The following GPC6 variants were observed in gnomAD, a reference collection of about 807,000 sequenced individuals.
GPC6 encodes glypican 6.
Under a neutral mutation model 55.2 loss-of-function variants are expected in GPC6, and 14 were observed. The observed-to-expected ratio is 0.25, with a 90% confidence interval of 0.17 to 0.40. The LOEUF (loss-of-function observed/expected upper bound fraction) is 0.40, where lower values mean the gene tolerates loss of function less well. GPC6 is among the 10% of genes least tolerant of loss of function. The pLI is 1.00. For synonymous variants in GPC6, 278 were observed against 259.6 expected (o/e 1.07, Z -0.68); for missense variants, 641 against 708.5 (o/e 0.90, Z 1.08).
rs987668959 is a variant in GPC6, at chr13:94,358,560, A to G, written c.1153-23854A>G. On this transcript the variant is annotated intron_variant, in intron 6 of 8. Coordinates refer to ENST00000377047, the MANE Select transcript of GPC6 (RefSeq NM_005708.5). ...ACAGGGTTGAGCTTGCCCTGGAGAG[A>G]TCACACTGTCTACTCTTTAACCCCA... Among the ~76,000 whole-genome samples the G allele has an allele frequency of 2.0e-5, 3 of 152,280 alleles. No homozygotes were observed. The East Asian group carries it at 5.8e-4, about 29-fold the overall frequency.
intron 4 of GPC6, among the ~76,000 whole-genome samples, chr13:94,111,118 C>T (rs1489970870): frequency 6.6e-6 from 1 of 152,090 alleles, no homozygotes; most frequent in Non-Finnish European, 1.5e-5. Flanking sequence ...AATAGTAATT[C>T]AGAGTCCCTG....
intron 2 of GPC6, among the ~76,000 whole-genome samples, chr13:93,780,630 C>CAA (rs1491196276): frequency 7.1e-6 from 1 of 141,796 alleles, no homozygotes; most frequent in Non-Finnish European, 1.5e-5. Context: ...CACACACACA[C>CAA]AAAATAAAAT....
chr13:94,083,745 T>G (rs1020823740), intron 4 of GPC6, among the ~76,000 whole-genome samples: 1 of 152,310 alleles, frequency 6.6e-6, no homozygotes, highest in East Asian at 1.9e-4. Context: ...TAATAAACAC[T>G]TATGTGACAG....
At chr13:94,066,143 C>T (rs1027793825) in intron 4 of GPC6, among the ~76,000 whole-genome samples, 2 of 152,110 alleles carry the variant, frequency 1.3e-5, no homozygotes, top group African/African-American at 2.4e-5. Context: ...TTTTATGAGA[C>T]ACTACATCAA....
intron 4 of GPC6, among the ~76,000 whole-genome samples, chr13:94,214,062 G>T (rs948334200): frequency 6.6e-6 from 1 of 152,186 alleles, no homozygotes; most frequent in Non-Finnish European, 1.5e-5. Context: ...AATATTGTCA[G>T]TCTCTTAGGA....
intron 2 of GPC6, among the ~76,000 whole-genome samples, chr13:93,559,284 A>G (rs958515086): frequency 2.6e-5 from 4 of 152,182 alleles, no homozygotes; most frequent in African/African-American, 9.7e-5. Flanking sequence ...TCAAAGGCAA[A>G]TGTCTATTGA....
At chr13:93,449,952 C>T (rs186660111) in intron 1 of GPC6, among the ~76,000 whole-genome samples, 199 of 151,312 alleles carry the variant, frequency 1.3e-3, no homozygotes, top group African/African-American at 4.4e-3. Context: ...GACGGTGTCT[C>T]GCTCTATTTT....
chr13:93,886,749 A>ATTTTTTTTTTTTTTTTTTT, intron 3 of GPC6, among the ~76,000 whole-genome samples: 1 of 135,340 alleles, frequency 7.4e-6, no homozygotes, highest in Admixed American at 7.4e-5. Flanking sequence ...AGCATCTGTC[A>ATTTTTTTTTTTTTTTTTTT]TTTTTTTTTT....
intron 2 of GPC6, among the ~76,000 whole-genome samples, chr13:93,698,278 G>T (rs1053194080): frequency 3.3e-5 from 5 of 152,020 alleles, no homozygotes; most frequent in Admixed American, 2.6e-4. Context: ...ATTGTTTGTA[G>T]TCCTTTTCCT....
chr13:93,420,626 T>C (rs1876889450), intron 1 of GPC6, among the ~76,000 whole-genome samples: 1 of 152,156 alleles, frequency 6.6e-6, no homozygotes, highest in Non-Finnish European at 1.5e-5. Flanking sequence ...TGACATCTAA[T>C]GTTCATTTTA....
chr13:93,495,074 T>A (rs1409713006), intron 1 of GPC6, among the ~76,000 whole-genome samples: 1 of 115,128 alleles, frequency 8.7e-6, no homozygotes. Context: ...TTGGCCTGCC[T>A]TGCTAGATTG....
intron 2 of GPC6, among the ~76,000 whole-genome samples, chr13:93,654,409 C>T (rs1400326560): frequency 6.6e-6 from 1 of 151,810 alleles, no homozygotes; most frequent in African/African-American, 2.4e-5. Context: ...CTCACTGCAA[C>T]CTCTGCCTCC....
At chr13:93,241,438 AC>A (rs1876425271) in intron 1 of GPC6, among the ~76,000 whole-genome samples, 1 of 151,922 alleles carries the variant, frequency 6.6e-6, no homozygotes. Flanking sequence ...TCTTGGTAAA[AC>A]TTTTCACTGC....
intron 4 of GPC6, among the ~76,000 whole-genome samples, chr13:94,136,564 G>A (rs1887191908): frequency 6.6e-6 from 1 of 152,108 alleles, no homozygotes; most frequent in Non-Finnish European, 1.5e-5. Context: ...CAAAAAATTA[G>A]TTGGGTATGG....
chr13:93,740,798 T>G (rs1336956885), intron 2 of GPC6, among the ~76,000 whole-genome samples: 2 of 152,152 alleles, frequency 1.3e-5, no homozygotes, highest in African/African-American at 4.8e-5. Flanking sequence ...AATACAAGAC[T>G]CAAACAGTCT....
intron 4 of GPC6, among the ~76,000 whole-genome samples, chr13:94,067,244 G>A (rs1884549749): frequency 6.6e-6 from 1 of 152,118 alleles, no homozygotes; most frequent in Non-Finnish European, 1.5e-5. Context: ...ATTGAAGCTT[G>A]AATAACTTAT....
At chr13:93,559,044 G>A (rs940573656) in intron 2 of GPC6, among the ~76,000 whole-genome samples, 2 of 152,140 alleles carry the variant, frequency 1.3e-5, no homozygotes, top group Admixed American at 1.3e-4. Context: ...TGTGGGGAGT[G>A]GTAGGTTCAA....
intron 2 of GPC6, among the ~76,000 whole-genome samples, chr13:93,718,921 T>A (rs747043280): frequency 2.0e-5 from 3 of 152,102 alleles, no homozygotes; most frequent in Non-Finnish European, 4.4e-5. Flanking sequence ...CTGAGACCTC[T>A]GTTCTATTCC....
intron 1 of GPC6, among the ~76,000 whole-genome samples, chr13:93,345,450 C>T (rs906305033): frequency 5.9e-5 from 9 of 151,554 alleles, no homozygotes; most frequent in Admixed American, 1.3e-4. Flanking sequence ...ATCTGCATCC[C>T]GAGTAAACAG....
Sources: gnomAD v4.1 joint callset for allele counts (sites outside exome capture counted in the v4.1 genomes callset) on GRCh38, gnomAD v4.1.1 for gene constraint, MANE v1.5 for transcripts, NCBI Gene and HGNC (gene_info 2026-07-23, HGNC 2026-07-21) for gene names.